Variants in RNF220 observed in about 807,000 individuals in gnomAD.
The protein encoded by RNF220 is E3 ubiquitin-protein ligase RNF220.
In RNF220, 7 loss-of-function variants were observed where a neutral mutation model predicts 67.1. That is an observed-to-expected ratio of 0.10 (90% CI 0.06 to 0.20). The LOEUF (loss-of-function observed/expected upper bound fraction) is 0.20. RNF220 is among the 10% of genes least tolerant of loss of function. The probability of loss-of-function intolerance (pLI) is 1.00; values close to 1 mark genes in which losing one functional copy is unlikely to be tolerated. For synonymous variants in RNF220, 270 were observed against 283.2 expected, an observed-to-expected ratio of 0.95 and a Z score of 0.47; for missense variants, 565 against 740.3, an observed-to-expected ratio of 0.76 and a Z score of 2.75.
intron 2 of RNF220, among the ~76,000 whole-genome samples, chr1:44,494,243 G>A (rs914508071): frequency 6.7e-6 from 1 of 150,018 alleles, no homozygotes; most frequent in Non-Finnish European, 1.5e-5. Flanking sequence ...GACTTGAACT[G>A]GAGCAGTAAT....
rs270735 is a variant in RNF220 at position 44,610,755 on chromosome 1, C to T, written c.626-3410C>T. The stretch of plus-strand genomic sequence containing the variant: ...GCTGAACTAAGGATTCCAGGGGCCT[C>T]GCCAGCCTGAAATGGACTTCCAGAT... On this transcript the variant is annotated intron_variant, in intron 2 of 14. Transcript: ENST00000361799. Among the ~76,000 whole-genome samples, 213 of 152,228 alleles carry T rather than the reference C, an allele frequency of 1.4e-3. 2 individuals carry two copies. Among genetic ancestry groups the T allele is most frequent in the African/African-American group, 5.0e-3 (206 of 41,524 alleles).
intron 2 of RNF220, among the ~76,000 whole-genome samples, chr1:44,446,743 G>A (rs1652141795): frequency 6.6e-6 from 1 of 152,018 alleles, no homozygotes; most frequent in Non-Finnish European, 1.5e-5. Flanking sequence ...ATTTTTAGTA[G>A]AGACGGGGTT....
At chr1:44,450,165 C>T (rs1014392826) in intron 2 of RNF220, among the ~76,000 whole-genome samples, 5 of 151,906 alleles carry the variant, frequency 3.3e-5, no homozygotes, top group African/African-American at 1.2e-4. Context: ...GCCGAGATTG[C>T]GCCATTGCAC....
At chr1:44,631,932 C>G in intron 5 of RNF220, 1 of 988,482 alleles carries the variant, frequency 1.0e-6, no homozygotes, top group Non-Finnish European at 1.2e-6. Flanking sequence ...TGTGAACTTT[C>G]ACCCCCAGCG....
chr1:44,526,646 T>C (rs1660401078), intron 2 of RNF220, among the ~76,000 whole-genome samples: 1 of 152,162 alleles, frequency 6.6e-6, no homozygotes, highest in Admixed American at 6.6e-5. Flanking sequence ...TAAATATCCC[T>C]CTTCCTACCA....
At chr1:44,420,322 G>A (rs969937408) in intron 2 of RNF220, among the ~76,000 whole-genome samples, 3 of 152,222 alleles carry the variant, frequency 2.0e-5, no homozygotes, top group Non-Finnish European at 4.4e-5. Context: ...TGACTTACCA[G>A]GCAAGAGTTG....
intron 2 of RNF220, among the ~76,000 whole-genome samples, chr1:44,593,003 G>T (rs143347423): frequency 2.0e-5 from 3 of 152,118 alleles, no homozygotes; most frequent in East Asian, 1.9e-4. Context: ...GTTTTTGATG[G>T]GGGGGATGGG....
chr1:44,463,249 C>T (rs989047981), intron 2 of RNF220, among the ~76,000 whole-genome samples: 2 of 151,610 alleles, frequency 1.3e-5, no homozygotes, highest in South Asian at 2.1e-4. Context: ...GCAGAAGAAT[C>T]GTTTCAACCC....
intron 2 of RNF220, among the ~76,000 whole-genome samples, chr1:44,586,485 AG>A (rs948483191): frequency 3.9e-5 from 6 of 152,100 alleles, no homozygotes; most frequent in Admixed American, 3.9e-4. Flanking sequence ...ATGCCTGAGG[AG>A]GGGGTCACAG....
rs143377037 is a variant in RNF220 at position 44,485,869 on chromosome 1, C to T, written c.625+73147C>T. ...GCCACAAGCATGACACAGCTGTTTG[C>T]GGGATAAAATAGGGGAACCGTGTTG... On this transcript the variant is annotated intron_variant, in intron 2 of 14. Transcript: ENST00000361799. 3.7e-3 allele frequency among the ~76,000 whole-genome samples: 558 copies of T among 152,002 alleles called. 3 individuals carry two copies. Among genetic ancestry groups the T allele is most frequent in the Middle Eastern group, 0.01 (3 of 294 alleles).
intron 2 of RNF220, among the ~76,000 whole-genome samples, chr1:44,429,876 G>A (rs1012972328): frequency 1.1e-4 from 17 of 152,166 alleles, no homozygotes; most frequent in Admixed American, 1.3e-4. Context: ...AATTTATCCT[G>A]CATATATTGG....
rs556628806 is a variant in RNF220 at position 44,593,906 on chromosome 1, G to A, written c.626-20259G>A. ...TCAAGACCAGCCTGGCCAACATGGT[G>A]AAACCCTGACTCTACTAAAAATACA... On this transcript the variant is annotated intron_variant, in intron 2 of 14. Transcript: ENST00000361799. 4.4e-3 allele frequency among the ~76,000 whole-genome samples: 662 copies of A among 151,844 alleles called. 3 individuals carry two copies. Among genetic ancestry groups the A allele is most frequent in the Non-Finnish European group, 6.2e-3 (419 of 67,920 alleles).
intron 2 of RNF220, among the ~76,000 whole-genome samples, chr1:44,541,667 G>A (rs962547153): frequency 2.6e-5 from 4 of 152,096 alleles, no homozygotes; most frequent in Admixed American, 6.5e-5. Flanking sequence ...TGTTCCGGAC[G>A]GTCATCACCA....
chr1:44,460,015 AG>A (rs1653606347), intron 2 of RNF220, among the ~76,000 whole-genome samples: 1 of 152,034 alleles, frequency 6.6e-6, no homozygotes, highest in Non-Finnish European at 1.5e-5. Flanking sequence ...TGTGTGGGAG[AG>A]GGGGATGAAC....
chr1:44,467,525 T>G (rs1260605809), intron 2 of RNF220, among the ~76,000 whole-genome samples: 1 of 152,218 alleles, frequency 6.6e-6, no homozygotes, highest in African/African-American at 2.4e-5. Flanking sequence ...CAGACTTTTC[T>G]TCTGCAGCTT....
chr1:44,430,769 A>T (rs1030703730), intron 2 of RNF220, among the ~76,000 whole-genome samples: 1 of 151,460 alleles, frequency 6.6e-6, no homozygotes, highest in East Asian at 1.9e-4. Flanking sequence ...CTGGTCTTGA[A>T]CTCCTGATGT....
intron 2 of RNF220, among the ~76,000 whole-genome samples, chr1:44,459,808 G>A (rs1653583092): frequency 6.6e-6 from 1 of 152,192 alleles, no homozygotes; most frequent in Admixed American, 6.5e-5. Flanking sequence ...TGGATGTCAA[G>A]TGTATTAAAG....
Position 44,650,832 on chromosome 1 carries a change from T to G in RNF220, c.*57T>G. ...CAGCCCCACCTGCCCCCAGCCTCTG[T>G]GACAGTGACCGTCTCCCTTTGTACA... On this transcript the variant is annotated 3_prime_UTR_variant, in exon 15 of 15. Coordinates refer to ENST00000361799, the MANE Select transcript of RNF220 (RefSeq NM_018150.4). The surrounding 1 kb of genome is among the most constrained non-coding windows in gnomAD (Gnocchi z 4.3). 6.6e-7 allele frequency: 1 copy of G among 1,509,422 alleles called. No homozygotes were observed. The highest frequency in any genetic ancestry group is 9.2e-7 in the Non-Finnish European group (1 of 1,089,986). 93.5% of individuals were successfully genotyped at this position (1,509,422 alleles called of 1,614,324 possible). A position where few individuals can be genotyped will look rare whatever the true frequency, so the allele number is the denominator to read the frequency against.
chr1:44,562,060 C>T (rs888617507), intron 2 of RNF220, among the ~76,000 whole-genome samples: 3 of 152,116 alleles, frequency 2.0e-5, no homozygotes, highest in South Asian at 4.1e-4. Context: ...CCTGCAGGGT[C>T]AGTGAAGGGA....
Sources: allele counts gnomAD v4.1 joint callset (sites outside exome capture counted in the v4.1 genomes callset), GRCh38; gene constraint gnomAD v4.1.1; non-coding constraint Gnocchi (gnomAD v3.1); transcripts MANE v1.5; gene names NCBI Gene and HGNC (gene_info 2026-07-23, HGNC 2026-07-21).